Variants in CNGA3 observed in about 807,000 individuals in gnomAD.
CNGA3 encodes the protein cyclic nucleotide-gated channel alpha-3.
Under a neutral mutation model 46.6 loss-of-function variants are expected in CNGA3, and 42 were observed. That is an observed-to-expected ratio of 0.90 (90% CI 0.70 to 1.17). The LOEUF is 1.17. Ranked by LOEUF, CNGA3 falls within the 50% of genes most tolerant of loss-of-function variation. The pLI is 0.00. For synonymous variants in CNGA3, 394 were observed against 369.4 expected, an observed-to-expected ratio of 1.07 and a Z score of -0.76; for missense variants, 893 against 890.7, an observed-to-expected ratio of 1.00 and a Z score of -0.03.
chr2:98,347,163 G>A lies in CNGA3; in HGVS notation c.-38+629G>A, dbSNP rs186912949. The A allele has an allele frequency of 8.7e-4, 133 of 152,442 alleles. 1 individual carries two copies. The highest frequency in any genetic ancestry group is 3.1e-3 in the African/African-American group (127 of 41,568). The allele number at this position is 152,442 out of a possible 1,614,324, so 9.4% of individuals were successfully genotyped here. On this transcript the variant is annotated intron_variant, in intron 1 of 7. Coordinates refer to ENST00000272602, the MANE Select transcript of CNGA3 (RefSeq NM_001298.3). ...AACCCAGGGGACTATTTTCCCTTGG[G>A]GATTCAAAGAGAAAGGTAGGCTGAG...
chr2:98,380,591 AT>A (rs2104206849), intron 4 of CNGA3, among the ~76,000 whole-genome samples: 1 of 152,210 alleles, frequency 6.6e-6, no homozygotes, highest in Admixed American at 6.5e-5. Flanking sequence ...CCCCAGCCTC[AT>A]TTGACCACTC....
chr2:98,389,854 C>T (rs1393830623), intron 6 of CNGA3, 80 bp downstream of exon 6: 2 of 1,153,232 alleles, frequency 1.7e-6, no homozygotes, highest in African/African-American at 3.0e-5. Context: ...CCACCTCTCC[C>T]TCGGGAGGCC....
intron 5 of CNGA3, among the ~76,000 whole-genome samples, chr2:98,386,251 G>A (rs72819957): frequency 0.024 from 3,702 of 152,274 alleles, 58 homozygotes; most frequent in South Asian, 0.039. Flanking sequence ...AGGGAACTTC[G>A]TAAATGTGAT....
At chr2:98,380,938 G>A (rs547552488) in intron 4 of CNGA3, among the ~76,000 whole-genome samples, 4 of 152,278 alleles carry the variant, frequency 2.6e-5, no homozygotes, top group East Asian at 3.9e-4. Flanking sequence ...AGAGCGAGGT[G>A]GGGAGAGTGC....
At chr2:98,388,622 C>A (rs973695417) in intron 5 of CNGA3, among the ~76,000 whole-genome samples, 2 of 152,224 alleles carry the variant, frequency 1.3e-5, no homozygotes, top group Admixed American at 1.3e-4. Flanking sequence ...TCTGCAGCCT[C>A]CGGTGGGCAG....
rs2271041 is a variant in CNGA3, at chr2:98,391,889, G to A, written c.592G>A (p.Glu198Lys). ...GGCCTGTTTCGATGAGCTGCAGTCC[G>A]AGTACCTGATGCTGTGGCTGGTCCT... Reference protein sequence around the residue: ...CRACFDELQSEYLMLWLVLDY... With the variant: ...CRACFDELQSKYLMLWLVLDY... The change falls in exon 7 of 8, where the codon GAG (glutamate) becomes AAG (lysine). Residue 198 changes from glutamate (E) to lysine (K), a missense_variant. By Grantham distance (56) the Glu-to-Lys change is moderately conservative (BLOSUM62 1). This residue lies in a region of CNGA3 where 333 missense variants were observed against 290.8 expected (regional missense o/e 1.15). Transcript: ENST00000272602. 2.4e-3 allele frequency: 3,882 copies of A among 1,614,154 alleles called. 63 individuals are homozygous for A. The African/African-American group carries it at 0.037, about 15-fold the overall frequency.
chr2:98,347,559 G>T (rs1046871049), intron 1 of CNGA3, among the ~76,000 whole-genome samples: 1 of 152,230 alleles, frequency 6.6e-6, no homozygotes, highest in Non-Finnish European at 1.5e-5. Flanking sequence ...GGCGCGGCGC[G>T]TGAGGGAGGA....
At position 98,397,788 on chromosome 2, in the gene CNGA3, A is replaced by G. The variant is rs903866024; in HGVS notation, c.*533A>G. On this transcript the variant is annotated 3_prime_UTR_variant, in exon 8 of 8. Transcript: ENST00000272602. ...CTCGTGTGTTCTTTGGGGCCCTAGA[A>G]ACCCTGGCTTTTGGGAGTGCTATGG... 1.9e-5 allele frequency: 3 copies of G among 161,642 alleles called. No homozygotes were observed. The highest frequency in any genetic ancestry group is 1.7e-4 in the Admixed American group (3 of 17,604). 10.0% of individuals were successfully genotyped at this position (161,642 alleles called of 1,614,324 possible). A position where few individuals can be genotyped will look rare whatever the true frequency, so the allele number is the denominator to read the frequency against.
At chr2:98,386,401 T>A (rs1692655493) in intron 5 of CNGA3, among the ~76,000 whole-genome samples, 1 of 152,208 alleles carries the variant, frequency 6.6e-6, no homozygotes, top group South Asian at 2.1e-4. Context: ...GGGGTGGGTC[T>A]TTCCCATGCT....
chr2:98,378,457 ATTATTTCCTTCCACCACGTGGTT>A (rs1186716449), intron 3 of CNGA3, among the ~76,000 whole-genome samples: 2 of 152,198 alleles, frequency 1.3e-5, no homozygotes, highest in Non-Finnish European at 2.9e-5. Flanking sequence ...CACCAGGCTC[ATTATTTCCTTCCACCACGTGGTT>A]TTTTCCAATG....
At chr2:98,346,671 C>A (rs1039085584) in intron 1 of CNGA3, 137 bp downstream of exon 1, 162 of 389,262 alleles carry the variant, frequency 4.2e-4, no homozygotes, top group Admixed American at 4.9e-4. Flanking sequence ...CAGGGGCGGG[C>A]GCGGCGCTGT....
intron 7 of CNGA3, among the ~76,000 whole-genome samples, chr2:98,392,878 G>A (rs1447797094): frequency 1.3e-5 from 2 of 152,230 alleles, no homozygotes; most frequent in East Asian, 1.9e-4. Context: ...CATTTCTTAG[G>A]TGCTGAACTG....
At position 98,383,384 on chromosome 2, in the gene CNGA3, G is replaced by T. The variant is rs114951127; in HGVS notation, c.396-4G>T. 1.9e-6 allele frequency: 3 copies of T among 1,613,974 alleles called. No homozygotes were observed. Among genetic ancestry groups the T allele is most frequent in the Admixed American group, 1.7e-5 (1 of 60,000 alleles). On this transcript the variant is annotated splice_polypyrimidine_tract_variant and splice_region_variant and intron_variant, in intron 4 of 7. Transcript: ENST00000272602. ...CCCTTGATGTTCTCTCTACCTTCCC[G>T]CAGCGCCTGGCCCCTGGCCAAATGC...
chr2:98,388,182 C>G (rs942200760), intron 5 of CNGA3, among the ~76,000 whole-genome samples: 13 of 152,244 alleles, frequency 8.5e-5, no homozygotes, highest in African/African-American at 2.9e-4. Flanking sequence ...GCCACGCCCT[C>G]TCTCCGGGAC....
Position 98,397,692 on chromosome 2 carries a change from G to A in CNGA3, c.*437G>A. ...AATGGGTATATAACAGGAAGCTGAA[G>A]GTACAACATAGTGACTAAAATTCAG... On this transcript the variant is annotated 3_prime_UTR_variant, in exon 8 of 8. Coordinates refer to ENST00000272602, the MANE Select transcript of CNGA3 (RefSeq NM_001298.3). 4.3e-6 allele frequency: 1 copy of A among 234,418 alleles called. No individual in the cohort carries two copies. The highest frequency in any genetic ancestry group is 8.4e-6 in the Non-Finnish European group (1 of 118,590). The allele number at this position is 234,418 out of a possible 1,614,324, so 14.5% of individuals were successfully genotyped here. A position where few individuals can be genotyped will look rare whatever the true frequency, so the allele number is the denominator to read the frequency against.
At chr2:98,356,150 G>A (rs1197215189) in intron 1 of CNGA3, 2 of 152,204 alleles carry the variant, frequency 1.3e-5, no homozygotes, top group African/African-American at 4.8e-5. Context: ...GAGTATTTTG[G>A]AAAAGTGTTT....
At chr2:98,378,429 C>T (rs866611022) in intron 3 of CNGA3, among the ~76,000 whole-genome samples, 1 of 152,182 alleles carries the variant, frequency 6.6e-6, no homozygotes, top group Non-Finnish European at 1.5e-5. Flanking sequence ...CACCGACTCA[C>T]GGCAGGTGCT....
rs1692509021 is a variant in CNGA3, at chr2:98,380,299, G to T, written c.340G>T (p.Glu114Ter). 6 of 1,614,230 alleles carry T rather than the reference G, an allele frequency of 3.7e-6. No individual in the cohort carries two copies. The highest frequency in any genetic ancestry group is 5.1e-6 in the Non-Finnish European group (6 of 1,180,034). The change falls in exon 4 of 8, where the codon GAA (glutamate) becomes TAA (stop). Residue 114 changes from glutamate (E) to a stop codon, truncating the protein, a stop_gained. Transcript: ENST00000272602. LOFTEE classifies it high-confidence loss of function. The part of the protein sequence containing the change: ...GAELKEVSSQ[E>*]SNAQANVGSQ... Reference sequence around the variant, plus strand: ...CGAGCTTAAGGAGGTGTCCAGCCAAGAAAGCAATGCCCAGGCAAATGTGGG... The same window carrying T: ...CGAGCTTAAGGAGGTGTCCAGCCAATAAAGCAATGCCCAGGCAAATGTGGG...
intron 4 of CNGA3, 110 bp downstream of exon 4, chr2:98,380,464 T>TC: frequency 9.8e-6 from 13 of 1,328,776 alleles, no homozygotes; most frequent in Non-Finnish European, 1.4e-5. Flanking sequence ...TGGAACGTCA[T>TC]CCCCATGAGC....
Sources: allele counts gnomAD v4.1 joint callset (sites outside exome capture counted in the v4.1 genomes callset), GRCh38; gene constraint gnomAD v4.1.1; regional missense constraint gnomAD v4.1.1; transcripts MANE v1.5; gene names NCBI Gene and HGNC (gene_info 2026-07-23, HGNC 2026-07-21).